Variants in LARGE1 observed in about 807,000 individuals in gnomAD.
LARGE1 encodes xylosyl- and glucuronyltransferase LARGE1.
A neutral mutation model predicts 87.6 loss-of-function variants in LARGE1; 43 were observed. The ratio of observed to expected loss-of-function variants is 0.49; its 90% CI spans 0.38 to 0.63. LARGE1 has a LOEUF of 0.63. Ranked by LOEUF, LARGE1 falls within the 30% of genes least tolerant of loss-of-function variation. The pLI, the probability that LARGE1 is intolerant of heterozygous loss-of-function variation, is 0.00. For synonymous variants in LARGE1, 434 were observed against 394.6 expected, an observed-to-expected ratio of 1.10 and a Z score of -1.18; for missense variants, 802 against 1,000.2, an observed-to-expected ratio of 0.80 and a Z score of 2.67.
intron 7 of LARGE1, among the ~76,000 whole-genome samples, chr22:33,425,844 C>T (rs1042807261): frequency 1.3e-4 from 20 of 152,174 alleles, no homozygotes; most frequent in Admixed American, 1.2e-3. Flanking sequence ...TCAAGCGATT[C>T]TCTTGCCTCA....
intron 11 of LARGE1, among the ~76,000 whole-genome samples, chr22:33,189,271 G>A (rs769957157): frequency 2.2e-4 from 34 of 152,110 alleles, no homozygotes; most frequent in Non-Finnish European, 2.9e-4. Flanking sequence ...TGGCTTTGTC[G>A]TCCCAGAATG....
chr22:33,920,488 G>A (rs917651814), upstream of LARGE1: 2 of 145,710 alleles, frequency 1.4e-5, no homozygotes, highest in African/African-American at 4.9e-5. Context: ...GCCGGGCCGG[G>A]CGCCGAACGC....
intron 3 of LARGE1, among the ~76,000 whole-genome samples, chr22:33,646,884 C>T (rs940783534): frequency 3.9e-5 from 6 of 152,180 alleles, no homozygotes; most frequent in South Asian, 2.1e-4. Context: ...CCCTCCACCA[C>T]GCCCAGCTAT....
intron 11 of LARGE1, among the ~76,000 whole-genome samples, chr22:33,183,517 A>G (rs767060021): frequency 5.9e-5 from 9 of 152,094 alleles, no homozygotes; most frequent in Non-Finnish European, 1.2e-4. Flanking sequence ...TGTCTCAAAG[A>G]GATAGTTGTA....
At chr22:33,381,106 C>G (rs1441603336) in intron 9 of LARGE1, among the ~76,000 whole-genome samples, 1 of 152,206 alleles carries the variant, frequency 6.6e-6, no homozygotes. Flanking sequence ...AAACACCATA[C>G]TGGCTTGCTG....
At chr22:33,169,654 A>T (rs1922454755) in intron 11 of LARGE1, among the ~76,000 whole-genome samples, 1 of 151,932 alleles carries the variant, frequency 6.6e-6, no homozygotes. Flanking sequence ...GATTGAGATC[A>T]TACTGGCTAA....
At chr22:33,196,961 T>A (rs900918448) in intron 11 of LARGE1, among the ~76,000 whole-genome samples, 30 of 152,176 alleles carry the variant, frequency 2.0e-4, no homozygotes, top group African/African-American at 7.2e-4. Flanking sequence ...AAACTGATAA[T>A]TCCCCATGAT....
chr22:33,223,149 G>A (rs1450250508), intron 11 of LARGE1, among the ~76,000 whole-genome samples: 6 of 152,140 alleles, frequency 3.9e-5, no homozygotes, highest in African/African-American at 9.7e-5. Flanking sequence ...TCATAATAAC[G>A]GTGATAGTTT....
intron 2 of LARGE1, among the ~76,000 whole-genome samples, chr22:33,652,236 C>A (rs1454973876): frequency 2.0e-5 from 3 of 152,070 alleles, no homozygotes; most frequent in Non-Finnish European, 4.4e-5. Flanking sequence ...ATAAGCAGGT[C>A]TCTCAATGTG....
chr22:33,267,322 G>A (rs888544151), intron 11 of LARGE1, among the ~76,000 whole-genome samples: 2 of 151,668 alleles, frequency 1.3e-5, no homozygotes, highest in Admixed American at 6.6e-5. Context: ...TTAGCACTCA[G>A]CGCCCAAGGG....
At chr22:33,145,708 G>T in the LARGE1 span, among the ~76,000 whole-genome samples, 1 of 152,212 alleles carries the variant, frequency 6.6e-6, no homozygotes, top group African/African-American at 2.4e-5. Context: ...AAGTACCTCT[G>T]CACTTAAGAA....
chr22:33,789,210 T>TA (rs1223724604), intron 1 of LARGE1, among the ~76,000 whole-genome samples: 4 of 152,176 alleles, frequency 2.6e-5, no homozygotes, highest in African/African-American at 4.8e-5. Context: ...GGAGCCAACA[T>TA]AGAGCTCAGG....
At chr22:33,203,620 A>G (rs1924526351) in intron 11 of LARGE1, among the ~76,000 whole-genome samples, 1 of 152,096 alleles carries the variant, frequency 6.6e-6, no homozygotes, top group South Asian at 2.1e-4. Context: ...GAAGCTAGGG[A>G]GGCAAGCAGA....
intron 5 of LARGE1, among the ~76,000 whole-genome samples, chr22:33,595,013 A>T (rs2078940653): frequency 6.6e-6 from 1 of 152,228 alleles, no homozygotes; most frequent in East Asian, 1.9e-4. Context: ...GCTCCATCCA[A>T]ATGCTGCTCT....
chr22:33,209,936 A>C (rs1269467644), intron 11 of LARGE1, among the ~76,000 whole-genome samples: 1 of 152,226 alleles, frequency 6.6e-6, no homozygotes, highest in African/African-American at 2.4e-5. Flanking sequence ...GGCATGAGCC[A>C]CCACGCCCGG....
chr22:33,907,067 C>T (rs1245851858), intron 1 of LARGE1, among the ~76,000 whole-genome samples: 1 of 151,944 alleles, frequency 6.6e-6, no homozygotes, highest in African/African-American at 2.4e-5. Flanking sequence ...TAAATCAGAC[C>T]ACTACTGGAG....
At chr22:33,825,365 CATACCCGAGACTGGGTAATTGCTAATAA>C (rs971993503) in intron 1 of LARGE1, among the ~76,000 whole-genome samples, 19 of 125,598 alleles carry the variant, frequency 1.5e-4, no homozygotes, top group Non-Finnish European at 2.0e-4. Context: ...TAATAAAAGA[CATACCCGAGACTGGGTAATTGCTAATAA>C]AGACATACCC....
At chr22:33,432,038 C>T in intron 7 of LARGE1, 123 bp downstream of exon 7, 1 of 769,168 alleles carries the variant, frequency 1.3e-6, no homozygotes, top group Non-Finnish European at 2.3e-6. Context: ...AAACCATCCA[C>T]CACTGAATTC....
At chr22:33,507,568 A>G (rs2070825508) in intron 6 of LARGE1, among the ~76,000 whole-genome samples, 1 of 152,202 alleles carries the variant, frequency 6.6e-6, no homozygotes, top group Non-Finnish European at 1.5e-5. Context: ...ATGTACAGTT[A>G]TTATATATAT....
Sources: allele counts gnomAD v4.1 joint callset (sites outside exome capture counted in the v4.1 genomes callset), GRCh38; gene constraint gnomAD v4.1.1; transcripts MANE v1.5; gene names NCBI Gene and HGNC (gene_info 2026-07-23, HGNC 2026-07-21).